GALNTL6: variants seen among roughly 807,000 people sequenced by gnomAD.
GALNTL6 encodes polypeptide N-acetylgalactosaminyltransferase-like 6.
A neutral mutation model predicts 73.7 loss-of-function variants in GALNTL6; 46 were observed. That is an observed-to-expected ratio of 0.62 (90% CI 0.49 to 0.80). The LOEUF (loss-of-function observed/expected upper bound fraction) is 0.80. GALNTL6 is among the 30% of genes least tolerant of loss of function. GALNTL6 has a pLI of 0.00. For synonymous variants in GALNTL6, 259 were observed against 263.7 expected (o/e 0.98, Z 0.17); for missense variants, 604 against 755.0 (o/e 0.80, Z 2.34).
intron 10 of GALNTL6, among the ~76,000 whole-genome samples, chr4:172,956,202 G>A (rs964284182): frequency 2.0e-5 from 3 of 152,172 alleles, no homozygotes; most frequent in Admixed American, 6.5e-5. Context: ...TAGGAGTGGC[G>A]TGGGAACCTA....
At chr4:171,939,710 C>A (rs1450146628) in intron 2 of GALNTL6, among the ~76,000 whole-genome samples, 1 of 151,864 alleles carries the variant, frequency 6.6e-6, no homozygotes, top group Non-Finnish European at 1.5e-5. Context: ...AAATAGATAT[C>A]TGCTGAATTA....
chr4:172,237,875 T>C (rs1357586850), intron 3 of GALNTL6, among the ~76,000 whole-genome samples: 3 of 152,170 alleles, frequency 2.0e-5, no homozygotes, highest in African/African-American at 7.2e-5. Flanking sequence ...TTTGTCAGCT[T>C]TGTCAAAGAT....
intron 5 of GALNTL6, among the ~76,000 whole-genome samples, chr4:172,685,041 A>T (rs138584865): frequency 2.4e-3 from 366 of 152,348 alleles, no homozygotes; most frequent in Middle Eastern, 0.01. Flanking sequence ...TACAGCATTT[A>T]AGATATGGCC....
chr4:172,939,152 T>A (rs1748783159), intron 9 of GALNTL6, among the ~76,000 whole-genome samples: 1 of 151,960 alleles, frequency 6.6e-6, no homozygotes, highest in Admixed American at 6.6e-5. Context: ...TAAAGTTACC[T>A]GGGTGTGGTG....
At chr4:173,036,267 A>G (rs1490080879) in intron 12 of GALNTL6, among the ~76,000 whole-genome samples, 1 of 152,162 alleles carries the variant, frequency 6.6e-6, no homozygotes, top group African/African-American at 2.4e-5. Flanking sequence ...CTATCTTTGC[A>G]TCTTTAGCAT....
chr4:171,867,596 T>C (rs1431081371), intron 2 of GALNTL6, among the ~76,000 whole-genome samples: 3 of 152,220 alleles, frequency 2.0e-5, no homozygotes, highest in African/African-American at 7.2e-5. Flanking sequence ...TGCACAGCTA[T>C]TCATCAGTGT....
intron 2 of GALNTL6, among the ~76,000 whole-genome samples, chr4:172,148,859 T>C (rs954120074): frequency 2.0e-5 from 3 of 152,260 alleles, no homozygotes; most frequent in Non-Finnish European, 2.9e-5. Context: ...TTACTTTACA[T>C]AGTAACTGTC....
intron 5 of GALNTL6, among the ~76,000 whole-genome samples, chr4:172,767,326 A>G (rs1738459935): frequency 6.6e-6 from 1 of 152,242 alleles, no homozygotes; most frequent in Non-Finnish European, 1.5e-5. Context: ...AACAGCTCCC[A>G]TGGATGTACC....
At chr4:171,963,351 A>C in intron 2 of GALNTL6, among the ~76,000 whole-genome samples, 1 of 151,908 alleles carries the variant, frequency 6.6e-6, no homozygotes, top group East Asian at 1.9e-4. Flanking sequence ...TATTTATAGA[A>C]GGATTATAGA....
intron 2 of GALNTL6, among the ~76,000 whole-genome samples, chr4:172,056,645 T>G (rs1731027357): frequency 6.6e-6 from 1 of 151,982 alleles, no homozygotes. Context: ...CCTAGGCTAA[T>G]TCATCAAGCA....
intron 2 of GALNTL6, among the ~76,000 whole-genome samples, chr4:172,035,568 G>A (rs1055390374): frequency 3.3e-5 from 5 of 152,100 alleles, no homozygotes; most frequent in African/African-American, 1.2e-4. Context: ...GGAAAAAGGA[G>A]AATATGACCC....
At chr4:172,563,749 T>C (rs1200402317) in intron 5 of GALNTL6, among the ~76,000 whole-genome samples, 2 of 152,240 alleles carry the variant, frequency 1.3e-5, no homozygotes, top group Non-Finnish European at 2.9e-5. Context: ...ACTTATGATT[T>C]AGAGTTCTAG....
At chr4:172,769,518 G>A (rs982592053) in intron 5 of GALNTL6, among the ~76,000 whole-genome samples, 1 of 152,180 alleles carries the variant, frequency 6.6e-6, no homozygotes, top group East Asian at 1.9e-4. Context: ...TGAGAGGAAA[G>A]AGAATGAGCT....
chr4:172,480,882 A>C (rs1335844193), intron 5 of GALNTL6, among the ~76,000 whole-genome samples: 1 of 152,136 alleles, frequency 6.6e-6, no homozygotes, highest in Non-Finnish European at 1.5e-5. Context: ...AGACTAGCCT[A>C]GGAAGGGGTG....
At chr4:172,789,114 T>C (rs1739849836) in intron 5 of GALNTL6, among the ~76,000 whole-genome samples, 1 of 152,070 alleles carries the variant, frequency 6.6e-6, no homozygotes, top group African/African-American at 2.4e-5. Flanking sequence ...GTCTACCTGG[T>C]GATAATGTCA....
At chr4:172,916,429 T>A (rs184818689) in intron 8 of GALNTL6, among the ~76,000 whole-genome samples, 46 of 152,262 alleles carry the variant, frequency 3.0e-4, no homozygotes, top group African/African-American at 1.0e-3. Context: ...ATAAAGAGTA[T>A]TCAATTAGGA....
intron 2 of GALNTL6, among the ~76,000 whole-genome samples, chr4:171,967,456 T>TTTTGTTTTTG (rs1739423704): frequency 1.4e-5 from 2 of 140,708 alleles, no homozygotes; most frequent in Non-Finnish European, 3.2e-5. Flanking sequence ...GGTTTTTTTT[T>TTTTGTTTTTG]TTTTTTTTTG....
intron 7 of GALNTL6, among the ~76,000 whole-genome samples, chr4:172,814,517 C>A (rs1412067223): frequency 6.6e-6 from 1 of 152,072 alleles, no homozygotes; most frequent in African/African-American, 2.4e-5. Context: ...TTATACTGCA[C>A]CCTTTGATAT....
chr4:172,933,712 G>A lies in GALNTL6; in HGVS notation c.1149+2444G>A, dbSNP rs180970007. ...TTTGTGGGAGCACCTCAACTACCTC[G>A]CTACATGCTACATTATTACCATATC... On this transcript the variant is annotated intron_variant, in intron 9 of 12. Coordinates refer to ENST00000506823, the MANE Select transcript of GALNTL6 (RefSeq NM_001034845.3). 2.5e-3 allele frequency among the ~76,000 whole-genome samples: 384 copies of A among 152,016 alleles called. 10 individuals are homozygous for A. Among genetic ancestry groups the A allele is most frequent in the Non-Finnish European group, 6.8e-4 (46 of 67,960 alleles).
Sources: allele counts gnomAD v4.1 joint callset (sites outside exome capture counted in the v4.1 genomes callset), GRCh38; gene constraint gnomAD v4.1.1; transcripts MANE v1.5; gene names NCBI Gene and HGNC (gene_info 2026-07-23, HGNC 2026-07-21).